The following TBC1D30 variants were observed in gnomAD, a reference collection of about 807,000 sequenced individuals.
The protein encoded by TBC1D30 is TBC1 domain family, member 30.
A neutral mutation model predicts 63.2 loss-of-function variants in TBC1D30; 31 were observed. The observed-to-expected ratio is 0.49, with a 90% CI of 0.37 to 0.66. TBC1D30 has a LOEUF of 0.66. Among genes scored for constraint, TBC1D30 ranks in the 30% least tolerant of loss-of-function variants. The probability of loss-of-function intolerance (pLI) is 0.00; values close to 1 mark genes in which losing one functional copy is unlikely to be tolerated. For missense variants in TBC1D30, 810 were observed against 953.6 expected, an observed-to-expected ratio of 0.85 and a Z score of 1.98; for synonymous variants, 307 against 361.5, an observed-to-expected ratio of 0.85 and a Z score of 1.71.
chr12:64,866,849 C>G lies in TBC1D30; in HGVS notation c.1237C>G (p.Pro413Ala). The part of the protein sequence containing the change: ...AVVNAVGCLG[P>A]FSGFLAPELQ... ...CGTTAATGCAGTGGGGTGTCTTGGA[C>G]CTTTTAGTGGGTTCCTGGCTCCTGA... The change falls in exon 10 of 12, where the codon CCT becomes GCT. Residue 413 changes from proline (P) to alanine (A), a missense_variant. By Grantham distance (27) the Pro-to-Ala change is conservative (BLOSUM62 -1). This residue lies in a region of TBC1D30 where 450 missense variants were observed against 473.0 expected (regional missense o/e 0.95). Transcript: ENST00000539867. 1.3e-6 allele frequency: 2 copies of G among 1,536,218 alleles called. No individual in the cohort carries two copies. The highest frequency in any genetic ancestry group is 8.7e-7 in the Non-Finnish European group (1 of 1,146,940).
chr12:64,866,799 A>G lies in TBC1D30; in HGVS notation c.1187A>G (p.Asn396Ser). The part of the protein sequence containing the change: ...HSKARDSDEE[N>S]DPDDEDAVVN... ...AAGGCCAGAGACAGTGATGAAGAGA[A>G]TGACCCAGACGATGAGGATGCTGTC... Residue 396 changes from asparagine to serine, a missense_variant, in exon 10 of 12, where the codon AAT becomes AGT. This residue lies in a region of TBC1D30 where 450 missense variants were observed against 473.0 expected (regional missense o/e 0.95). Coordinates refer to ENST00000539867, the MANE Select transcript of TBC1D30 (RefSeq NM_015279.2). 1 of 1,536,654 alleles carries G rather than the reference A, an allele frequency of 6.5e-7. No homozygotes were observed. The highest frequency in any genetic ancestry group is 8.7e-7 in the Non-Finnish European group (1 of 1,147,018).
intron 8 of TBC1D30, among the ~76,000 whole-genome samples, chr12:64,859,069 T>C (rs971448675): frequency 6.6e-6 from 1 of 151,518 alleles, no homozygotes; most frequent in African/African-American, 2.4e-5. Flanking sequence ...GGGGTGCATA[T>C]ATATGCGAGG....
chr12:64,774,072 C>A (rs1369599085), intron 1 of TBC1D30, among the ~76,000 whole-genome samples: 2 of 152,116 alleles, frequency 1.3e-5, no homozygotes, highest in African/African-American at 4.8e-5. Flanking sequence ...AGCTGACAGA[C>A]AAAATAGCCA....
At chr12:64,855,867 G>A (rs1004181453) in intron 8 of TBC1D30, among the ~76,000 whole-genome samples, 3 of 152,170 alleles carry the variant, frequency 2.0e-5, no homozygotes, top group Admixed American at 6.5e-5. Context: ...ATGTTCTCTT[G>A]TGTCTGGACA....
chr12:64,788,611 G>A (rs1163184146), intron 2 of TBC1D30, among the ~76,000 whole-genome samples: 1 of 152,144 alleles, frequency 6.6e-6, no homozygotes, highest in Non-Finnish European at 1.5e-5. Flanking sequence ...TGGCATTTAT[G>A]TCATTTTAGA....
At chr12:64,767,788 C>CGGGGGGG (rs59418018) in intron 1 of TBC1D30, among the ~76,000 whole-genome samples, 5 of 60,150 alleles carry the variant, frequency 8.3e-5, no homozygotes, top group Non-Finnish European at 1.0e-4. Context: ...CATGCTCCGG[C>CGGGGGGG]GGGGGGGGGG....
At chr12:64,788,945 A>G (rs2136299785) in intron 2 of TBC1D30, among the ~76,000 whole-genome samples, 1 of 152,304 alleles carries the variant, frequency 6.6e-6, no homozygotes, top group African/African-American at 2.4e-5. Flanking sequence ...ATATTTCATG[A>G]CTAAATCCCT....
At chr12:64,835,613 C>T (rs550735423) in intron 5 of TBC1D30, among the ~76,000 whole-genome samples, 4 of 152,226 alleles carry the variant, frequency 2.6e-5, no homozygotes, top group African/African-American at 7.2e-5. Flanking sequence ...TGAATTAGCA[C>T]GTGGATGCTC....
Position 64,878,129 on chromosome 12 carries a change from C to A in TBC1D30, c.*2341C>A. The A allele has an allele frequency of 4.3e-6, 1 of 231,502 alleles. No individual in the cohort carries two copies. The allele number at this position is 231,502 out of a possible 1,614,324, so 14.3% of individuals were successfully genotyped here. On this transcript the variant is annotated 3_prime_UTR_variant, in exon 12 of 12. Transcript: ENST00000539867. ...AATGAATAAGTGAAAGGATAATAGTCCTCTGAGGTAAAAATGGCCTTGTCA... is the reference window on the plus strand; with the variant it reads ...AATGAATAAGTGAAAGGATAATAGTACTCTGAGGTAAAAATGGCCTTGTCA...
At chr12:64,776,720 A>G (rs1871092095), upstream of TBC1D30, among the ~76,000 whole-genome samples, 1 of 152,210 alleles carries the variant, frequency 6.6e-6, no homozygotes, top group Admixed American at 6.5e-5. Flanking sequence ...ACTATTTCAA[A>G]AAGTTGAAAA....
At chr12:64,821,718 C>T (rs1488257661), upstream of TBC1D30, among the ~76,000 whole-genome samples, 3 of 152,152 alleles carry the variant, frequency 2.0e-5, no homozygotes, top group African/African-American at 7.2e-5. Flanking sequence ...GCTGCAACAG[C>T]CAATGAGTGT....
intron 2 of TBC1D30, among the ~76,000 whole-genome samples, chr12:64,794,288 C>T (rs1872116266): frequency 1.3e-5 from 2 of 152,128 alleles, no homozygotes; most frequent in East Asian, 1.9e-4. Flanking sequence ...TAGACAGGCT[C>T]TTTCAATCAG....
intron 8 of TBC1D30, among the ~76,000 whole-genome samples, chr12:64,851,412 C>G (rs917710834): frequency 6.6e-6 from 1 of 152,184 alleles, no homozygotes; most frequent in Non-Finnish European, 1.5e-5. Context: ...TTATTTTGAG[C>G]CTATGTAGTC....
At position 64,870,636 on chromosome 12, in the gene TBC1D30, C is replaced by A; in HGVS notation, c.1326C>A (p.Asn442Lys). 1 of 1,536,168 alleles carries A rather than the reference C, an allele frequency of 6.5e-7. No homozygotes were observed. The highest frequency in any genetic ancestry group is 8.7e-7 in the Non-Finnish European group (1 of 1,146,906). ...AGGAGCAGAGTCTGAGATCTAATAACATTGCAGAGCTGAGTCCAGGAGCAA... is the reference window on the plus strand; with the variant it reads ...AGGAGCAGAGTCTGAGATCTAATAAAATTGCAGAGCTGAGTCCAGGAGCAA... ...PNEEQSLRSN[N>K]IAELSPGAIN... The change falls in exon 11 of 12, where the codon AAC (asparagine) becomes AAA (lysine). Residue 442 changes from asparagine (N) to lysine (K), a missense_variant. Asn to Lys is a moderately conservative substitution (Grantham distance 94, BLOSUM62 0). Coordinates refer to ENST00000539867, the MANE Select transcript of TBC1D30 (RefSeq NM_015279.2).
At chr12:64,783,821 T>C (rs1007007503) in intron 1 of TBC1D30, among the ~76,000 whole-genome samples, 14 of 26,286 alleles carry the variant, frequency 5.3e-4, no homozygotes, top group African/African-American at 1.9e-3. Flanking sequence ...CTTTTATTTC[T>C]AGAAGGAAAA....
intron 1 of TBC1D30, among the ~76,000 whole-genome samples, chr12:64,766,771 C>T (rs1174726954): frequency 2.0e-5 from 3 of 152,140 alleles, no homozygotes; most frequent in Non-Finnish European, 4.4e-5. Flanking sequence ...GTGGAATATT[C>T]TCCAGGATAG....
In TBC1D30 at chr12:64,843,499, A is replaced by G. The variant is rs764736894; in HGVS notation, c.1038+14A>G. The stretch of plus-strand genomic sequence containing the variant: ...GAACTCATGCAGGTGAGTCGGCAAC[A>G]TGGAGCAGCTTGGCTCGGGGAACCC... On this transcript the variant is annotated intron_variant, in intron 8 of 11. Coordinates refer to ENST00000539867, the MANE Select transcript of TBC1D30 (RefSeq NM_015279.2). The G allele has an allele frequency of 2.0e-5, 30 of 1,534,368 alleles. No individual in the cohort carries two copies. Among genetic ancestry groups the G allele is most frequent in the Non-Finnish European group, 2.4e-5 (28 of 1,145,578 alleles).
chr12:64,871,514 T>C (rs992540097), intron 11 of TBC1D30, among the ~76,000 whole-genome samples: 5 of 152,224 alleles, frequency 3.3e-5, no homozygotes. Context: ...TGACATGTTT[T>C]TAAAGTGGCA....
At chr12:64,792,920 T>A (rs558813731) in intron 2 of TBC1D30, among the ~76,000 whole-genome samples, 2 of 152,314 alleles carry the variant, frequency 1.3e-5, no homozygotes, top group Admixed American at 6.5e-5. Flanking sequence ...GAGGCTTGCT[T>A]TTTGTTTTTG....
Sources: allele counts gnomAD v4.1 joint callset (sites outside exome capture counted in the v4.1 genomes callset), GRCh38; gene constraint gnomAD v4.1.1; regional missense constraint gnomAD v4.1.1; transcripts MANE v1.5; gene names NCBI Gene and HGNC (gene_info 2026-07-23, HGNC 2026-07-21).